PRKG1: variants seen among roughly 807,000 people sequenced by gnomAD.
The protein encoded by PRKG1 is protein kinase cGMP-dependent 1.
In PRKG1, 35 loss-of-function variants were observed where a neutral mutation model predicts 88.1. The observed-to-expected ratio is 0.40, with a 90% CI of 0.30 to 0.53. The LOEUF (loss-of-function observed/expected upper bound fraction) is 0.53, where lower values mean the gene tolerates loss of function less well. Ranked by LOEUF, PRKG1 falls within the 20% of genes least tolerant of loss-of-function variation. The pLI is 0.59. For missense variants in PRKG1, 540 were observed against 839.8 expected, an observed-to-expected ratio of 0.64 and a Z score of 4.41; for synonymous variants, 303 against 292.5, an observed-to-expected ratio of 1.04 and a Z score of -0.37.
At chr10:51,374,090 AAAAAT>A (rs1231772165) in intron 2 of PRKG1, among the ~76,000 whole-genome samples, 2 of 128,896 alleles carry the variant, frequency 1.6e-5, no homozygotes, top group Admixed American at 7.8e-5. Context: ...TGCAAAAAAA[AAAAAT>A]ATATATATAT....
chr10:51,627,941 C>CCTTTCTTTCTTT (rs1301471363), intron 3 of PRKG1, among the ~76,000 whole-genome samples: 1 of 25,072 alleles, frequency 4.0e-5, no homozygotes, highest in Non-Finnish European at 9.8e-5. Context: ...TTCCTTCCTT[C>CCTTTCTTTCTTT]CTTTCTTTCT....
At chr10:52,079,526 T>C (rs943272462) in intron 7 of PRKG1, among the ~76,000 whole-genome samples, 1 of 152,196 alleles carries the variant, frequency 6.6e-6, no homozygotes, top group African/African-American at 2.4e-5. Flanking sequence ...TGTTTCCCTC[T>C]GAGGCCAGGG....
chr10:51,483,008 T>C (rs1380093918), intron 3 of PRKG1, among the ~76,000 whole-genome samples: 1 of 99,364 alleles, frequency 1.0e-5, no homozygotes, highest in Non-Finnish European at 1.9e-5. Flanking sequence ...TTCTTTTCTT[T>C]CTTTTTTTTT....
intron 2 of PRKG1, among the ~76,000 whole-genome samples, chr10:51,186,352 T>G (rs1026429870): frequency 6.6e-6 from 1 of 152,056 alleles, no homozygotes; most frequent in African/African-American, 2.4e-5. Context: ...ATTCTTTCCC[T>G]TGTTACATTC....
chr10:52,214,062 G>C (rs1344514632), intron 9 of PRKG1, among the ~76,000 whole-genome samples: 1 of 152,064 alleles, frequency 6.6e-6, no homozygotes, highest in Non-Finnish European at 1.5e-5. Context: ...AAATGGGAGA[G>C]TCCTCATTTA....
At chr10:51,337,931 T>G (rs1841917275) in intron 2 of PRKG1, among the ~76,000 whole-genome samples, 1 of 152,178 alleles carries the variant, frequency 6.6e-6, no homozygotes, top group African/African-American at 2.4e-5. Flanking sequence ...ATCATTCTAT[T>G]ACAAAGCTAC....
At chr10:52,289,040 C>T (rs757557350) in intron 16 of PRKG1, 47 bp downstream of exon 16, 2 of 1,524,352 alleles carry the variant, frequency 1.3e-6, no homozygotes, top group Non-Finnish European at 9.0e-7. Context: ...ATCATTTCCC[C>T]AGGGTGTTGC....
chr10:51,781,381 G>T (rs1838584545), intron 3 of PRKG1, among the ~76,000 whole-genome samples: 1 of 152,104 alleles, frequency 6.6e-6, no homozygotes, highest in Non-Finnish European at 1.5e-5. Flanking sequence ...AAGAAAGGCT[G>T]TTTCCCCAAA....
At chr10:51,671,610 G>A (rs141917997) in intron 3 of PRKG1, among the ~76,000 whole-genome samples, 22,269 of 141,822 alleles carry the variant, frequency 0.16, 1,891 homozygotes, top group Non-Finnish European at 0.2. Flanking sequence ...TTTTTGAGAT[G>A]GAGTCTCACT....
chr10:52,234,560 T>C (rs896635035), intron 9 of PRKG1, among the ~76,000 whole-genome samples: 1 of 147,348 alleles, frequency 6.8e-6, no homozygotes, highest in Non-Finnish European at 1.5e-5. Context: ...GAAGAAAGGG[T>C]ATCAGCAATG....
At chr10:52,145,501 C>T (rs1288548751) in intron 8 of PRKG1, among the ~76,000 whole-genome samples, 1 of 152,032 alleles carries the variant, frequency 6.6e-6, no homozygotes, top group Non-Finnish European at 1.5e-5. Flanking sequence ...TTATGTACAA[C>T]ATTTGGCTGT....
chr10:51,091,178 G>A (rs1212747684), intron 1 of PRKG1, among the ~76,000 whole-genome samples: 1 of 152,164 alleles, frequency 6.6e-6, no homozygotes, highest in Non-Finnish European at 1.5e-5. Flanking sequence ...AGTTTATTTT[G>A]AGATGTGTCA....
At chr10:52,264,452 G>T (rs1841521261) in intron 10 of PRKG1, among the ~76,000 whole-genome samples, 1 of 150,672 alleles carries the variant, frequency 6.6e-6, no homozygotes, top group Non-Finnish European at 1.5e-5. Flanking sequence ...TACAGCACTT[G>T]TCTTAAATTC....
intron 3 of PRKG1, among the ~76,000 whole-genome samples, chr10:51,528,764 C>T (rs1215825620): frequency 6.6e-6 from 1 of 151,928 alleles, no homozygotes; most frequent in African/African-American, 2.4e-5. Context: ...AGGACAGCCC[C>T]AGGTAGAGGA....
intron 3 of PRKG1, among the ~76,000 whole-genome samples, chr10:51,669,781 A>T (rs774487988): frequency 6.6e-6 from 1 of 152,142 alleles, no homozygotes; most frequent in Admixed American, 6.5e-5. Flanking sequence ...TTGAGACTTG[A>T]TTTACAGCCT....
chr10:51,554,177 A>G (rs961617518), intron 3 of PRKG1, among the ~76,000 whole-genome samples: 5 of 148,014 alleles, frequency 3.4e-5, no homozygotes, highest in Admixed American at 6.8e-5. Context: ...CGTATGTGAT[A>G]TGTGTATATA....
chr10:51,991,891 C>T (rs1844317574), intron 5 of PRKG1, among the ~76,000 whole-genome samples: 1 of 152,076 alleles, frequency 6.6e-6, no homozygotes, highest in African/African-American at 2.4e-5. Flanking sequence ...TGGGTATATA[C>T]CCAGTAATGG....
rs774710312 is a variant in PRKG1 at position 52,054,498 on chromosome 10, T to C, written c.777T>C (p.Asn259=). 6 of 1,613,406 alleles carry C rather than the reference T, an allele frequency of 3.7e-6. No homozygotes were observed. The highest frequency in any genetic ancestry group is 1.7e-5 in the Admixed American group (1 of 59,942). The change falls in exon 6 of 18, where the codon AAT becomes AAC. Residue 259 remains asparagine (N), a synonymous_variant. Coordinates refer to ENST00000373980, the MANE Select transcript of PRKG1 (RefSeq NM_006258.4). ...ADVLEETHYE[N]GEYIIRQGAR... The stretch of plus-strand genomic sequence containing the variant: ...CTACTTTTCAGACCCACTATGAAAA[T>C]GGAGAATATATTATCAGGCAAGGTG...
At chr10:51,435,359 C>G (rs1388794837) in intron 2 of PRKG1, among the ~76,000 whole-genome samples, 3 of 151,484 alleles carry the variant, frequency 2.0e-5, no homozygotes, top group Admixed American at 6.6e-5. Context: ...GGCTTAACCA[C>G]AGGTGTGAAC....
Sources: allele counts gnomAD v4.1 joint callset (sites outside exome capture counted in the v4.1 genomes callset), GRCh38; gene constraint gnomAD v4.1.1; transcripts MANE v1.5; gene names NCBI Gene and HGNC (gene_info 2026-07-23, HGNC 2026-07-21).